Variants in CLPB observed in about 807,000 individuals in gnomAD.
The protein encoded by CLPB is mitochondrial disaggregase.
In CLPB, 40 loss-of-function variants were observed where a neutral mutation model predicts 78.4. The observed-to-expected ratio is 0.51, with a 90% CI of 0.40 to 0.66. The LOEUF is 0.66. CLPB is among the 30% of genes least tolerant of loss of function. CLPB has a pLI of 0.00. For missense variants in CLPB, 780 were observed against 886.9 expected, an observed-to-expected ratio of 0.88 and a Z score of 1.53; for synonymous variants, 333 against 348.0, an observed-to-expected ratio of 0.96 and a Z score of 0.48.
chr11:72,391,687 G>A (rs145319212), intron 3 of CLPB, among the ~76,000 whole-genome samples: 55 of 152,308 alleles, frequency 3.6e-4, no homozygotes, highest in Non-Finnish European at 6.8e-4. Flanking sequence ...TGTGGAAAAC[G>A]TATATGTTCC....
At chr11:72,333,626 C>T (rs1312870012) in intron 5 of CLPB, among the ~76,000 whole-genome samples, 1 of 152,184 alleles carries the variant, frequency 6.6e-6, no homozygotes, top group Non-Finnish European at 1.5e-5. Context: ...TCCACCTCTC[C>T]AGGAGCTCAT....
chr11:72,307,189 C>T lies in CLPB; in HGVS notation c.1122+10G>A. 6.2e-7 allele frequency: 1 copy of T among 1,613,406 alleles called. No homozygotes were observed. The highest frequency in any genetic ancestry group is 8.5e-7 in the Non-Finnish European group (1 of 1,179,432). On this transcript the variant is annotated intron_variant, in intron 9 of 15. Transcript: ENST00000538039. ...CGATCTGCAGATCAGACCTAGGTCC[C>T]AGTTCTTACCTTTTTAGCATCTTTG...
rs943978113 is a variant in CLPB at position 72,286,721 on chromosome 11, C to G, written c.*6646G>C. 1.3e-5 allele frequency: 2 copies of G among 152,120 alleles called. No individual in the cohort carries two copies. The highest frequency in any genetic ancestry group is 4.8e-5 in the African/African-American group (2 of 41,396). The allele number at this position is 152,120 out of a possible 1,614,324, so 9.4% of individuals were successfully genotyped here. A position where few individuals can be genotyped will look rare whatever the true frequency, so the allele number is the denominator to read the frequency against. On this transcript the variant is annotated 3_prime_UTR_variant, in exon 16 of 16. Transcript: ENST00000538039. ...ACTCCAGACCTAGGTGATCCACCTG[C>G]CTGGGCCTCCCAAAGTGTTGGAATT...
At chr11:72,430,253 G>A in intron 2 of CLPB, 59 bp downstream of exon 2, 2 of 1,521,130 alleles carry the variant, frequency 1.3e-6, no homozygotes, top group Non-Finnish European at 9.1e-7. Context: ...CACACGAGAA[G>A]AGGCTCGCCC....
intron 3 of CLPB, among the ~76,000 whole-genome samples, chr11:72,392,086 G>A (rs1855269501): frequency 6.6e-6 from 1 of 152,020 alleles, no homozygotes; most frequent in Non-Finnish European, 1.5e-5. Context: ...TGTCAAAGAC[G>A]GCTGGCGAGC....
chr11:72,415,444 T>G (rs1342725213), intron 2 of CLPB, among the ~76,000 whole-genome samples: 1 of 152,150 alleles, frequency 6.6e-6, no homozygotes, highest in African/African-American at 2.4e-5. Flanking sequence ...TGAAGATACT[T>G]TCTGTTTAGT....
intron 2 of CLPB, among the ~76,000 whole-genome samples, chr11:72,430,090 G>A (rs766507535): frequency 3.9e-5 from 6 of 152,206 alleles, no homozygotes; most frequent in Non-Finnish European, 7.3e-5. Context: ...CAAAATAGCT[G>A]AAGGATCCAG....
At position 72,400,121 on chromosome 11, in the gene CLPB, G is replaced by T. The variant is rs1227771755; in HGVS notation, c.542+2845C>A. The stretch of plus-strand genomic sequence containing the variant: ...TCTATCCACATCTTTCTCTACCAAA[G>T]GACCACAACTAATACAGAAATAAGC... On this transcript the variant is annotated intron_variant, in intron 3 of 15. Coordinates refer to ENST00000538039, the MANE Select transcript of CLPB (RefSeq NM_001258392.3). Among the ~76,000 whole-genome samples, 6 of 152,048 alleles carry T rather than the reference G, an allele frequency of 3.9e-5. No individual in the cohort carries two copies. The East Asian group carries it at 1.2e-3, about 29-fold the overall frequency.
chr11:72,401,159 G>A (rs753235107), intron 3 of CLPB, among the ~76,000 whole-genome samples: 8 of 152,128 alleles, frequency 5.3e-5, no homozygotes, highest in Non-Finnish European at 7.4e-5. Context: ...GAATAGGTGC[G>A]CCAGACATGG....
intron 5 of CLPB, chr11:72,332,967 G>C (rs1950254437): frequency 6.6e-6 from 1 of 152,106 alleles, no homozygotes; most frequent in Non-Finnish European, 1.5e-5. Context: ...GCAGATAATT[G>C]GAGTCATGAT....
intron 3 of CLPB, among the ~76,000 whole-genome samples, chr11:72,401,122 C>A (rs942553866): frequency 3.3e-5 from 5 of 152,086 alleles, no homozygotes; most frequent in Non-Finnish European, 5.9e-5. Context: ...AACTACGAAG[C>A]CTATTTATAT....
chr11:72,421,870 C>T lies in CLPB; in HGVS notation c.455+8442G>A, dbSNP rs908353198. Among the ~76,000 whole-genome samples, 42 of 152,322 alleles carry T rather than the reference C, an allele frequency of 2.8e-4. 1 individual carries two copies. The highest frequency in any genetic ancestry group is 1.9e-3 in the Admixed American group (29 of 15,304). Reference sequence around the variant, plus strand: ...ACCCCAGAAAAGAAGCCAGGCACTACGCCACTCTGTAGAACTGCTTGAGAG... The same window carrying T: ...ACCCCAGAAAAGAAGCCAGGCACTATGCCACTCTGTAGAACTGCTTGAGAG... On this transcript the variant is annotated intron_variant, in intron 2 of 15. Coordinates refer to ENST00000538039, the MANE Select transcript of CLPB (RefSeq NM_001258392.3).
intron 11 of CLPB, 68 bp from the exon 12 acceptor site, chr11:72,295,716 G>A: frequency 1.1e-5 from 17 of 1,514,010 alleles, no homozygotes; most frequent in Non-Finnish European, 1.5e-5. Context: ...AGCACTCTCA[G>A]TTCTCACCTC....
chr11:72,406,899 T>G (rs138145948), intron 2 of CLPB, among the ~76,000 whole-genome samples: 85 of 152,302 alleles, frequency 5.6e-4, no homozygotes, highest in Middle Eastern at 3.4e-3. Context: ...TGGGTGTGTG[T>G]AGGTACGTGT....
chr11:72,407,883 G>A (rs1263820564), intron 2 of CLPB, among the ~76,000 whole-genome samples: 2 of 152,092 alleles, frequency 1.3e-5, no homozygotes, highest in Non-Finnish European at 2.9e-5. Context: ...TCCTGACCTT[G>A]TGATCCACCC....
At chr11:72,376,730 G>T (rs1590866383) in intron 4 of CLPB, among the ~76,000 whole-genome samples, 1 of 152,114 alleles carries the variant, frequency 6.6e-6, no homozygotes, top group East Asian at 1.9e-4. Context: ...GTAATGCAGT[G>T]GTGTGATCTC....
At position 72,402,981 on chromosome 11, in the gene CLPB, A is replaced by G. The variant is rs1855607275; in HGVS notation, c.527T>C (p.Ile176Thr). ...LGWTALMVAA[I>T]NRNNSVVQVL... Reference sequence around the variant, plus strand: ...GGTCTCTCACCTGTTGTTTCGGTTGATGGCTGCCACCATGAGTGCTGTCCA... The same window carrying G: ...GGTCTCTCACCTGTTGTTTCGGTTGGTGGCTGCCACCATGAGTGCTGTCCA... The change falls in exon 3 of 16, where the codon ATC becomes ACC. Residue 176 changes from isoleucine to threonine, a missense_variant. Coordinates refer to ENST00000538039, the MANE Select transcript of CLPB (RefSeq NM_001258392.3). 1 of 1,613,768 alleles carries G rather than the reference A, an allele frequency of 6.2e-7. No homozygotes were observed. Among genetic ancestry groups the G allele is most frequent in the Non-Finnish European group, 8.5e-7 (1 of 1,179,992 alleles).
At chr11:72,413,289 C>T (rs1234162284) in intron 2 of CLPB, among the ~76,000 whole-genome samples, 1 of 149,380 alleles carries the variant, frequency 6.7e-6, no homozygotes, top group African/African-American at 2.5e-5. Context: ...AAATCCGTCT[C>T]GAAAAAAAAA....
At chr11:72,361,619 T>C (rs999166661) in intron 4 of CLPB, among the ~76,000 whole-genome samples, 2 of 152,070 alleles carry the variant, frequency 1.3e-5, no homozygotes, top group East Asian at 1.9e-4. Flanking sequence ...GTACAGCACC[T>C]CAAAAGCCCC....
Sources: allele counts gnomAD v4.1 joint callset (sites outside exome capture counted in the v4.1 genomes callset), GRCh38; gene constraint gnomAD v4.1.1; transcripts MANE v1.5; gene names NCBI Gene and HGNC (gene_info 2026-07-23, HGNC 2026-07-21).